Variants in BTBD7 observed in about 807,000 individuals in gnomAD.
BTBD7 encodes BTB/POZ domain-containing protein 7.
BTBD7 carries 38 observed loss-of-function variants against 99.9 expected under a neutral mutation model. The ratio of observed to expected loss-of-function variants is 0.38; its 90% CI spans 0.29 to 0.50. BTBD7 has a LOEUF of 0.50. Ranked by LOEUF, BTBD7 falls within the 20% of genes least tolerant of loss-of-function variation. BTBD7 has a pLI of 0.93. For synonymous variants in BTBD7, 520 were observed against 511.4 expected, an observed-to-expected ratio of 1.02 and a Z score of -0.23; for missense variants, 1,170 against 1,394.6, an observed-to-expected ratio of 0.84 and a Z score of 2.57.
chr14:93,266,991 C>T (rs1033371379), intron 3 of BTBD7, among the ~76,000 whole-genome samples: 1 of 152,116 alleles, frequency 6.6e-6, no homozygotes, highest in South Asian at 2.1e-4. Flanking sequence ...CATTCAGTAG[C>T]CAGTGGAGGA....
intron 1 of BTBD7, among the ~76,000 whole-genome samples, chr14:93,306,947 T>C (rs1046710697): frequency 6.6e-6 from 1 of 152,214 alleles, no homozygotes; most frequent in Non-Finnish European, 1.5e-5. Flanking sequence ...TGATAAAATA[T>C]ATCCTTTGGG....
At chr14:93,283,047 G>A (rs959364436) in intron 3 of BTBD7, among the ~76,000 whole-genome samples, 10 of 152,134 alleles carry the variant, frequency 6.6e-5, no homozygotes, top group Non-Finnish European at 1.2e-4. Flanking sequence ...TGCTGAGAAA[G>A]CTTCTAACTA....
intron 1 of BTBD7, among the ~76,000 whole-genome samples, chr14:93,303,763 C>T (rs1350279561): frequency 6.6e-6 from 1 of 152,204 alleles, no homozygotes; most frequent in Non-Finnish European, 1.5e-5. Flanking sequence ...TCATCCTGAC[C>T]TACAACCTCA....
chr14:93,312,769 G>A (rs2053152935), intron 1 of BTBD7, among the ~76,000 whole-genome samples: 1 of 152,118 alleles, frequency 6.6e-6, no homozygotes, highest in African/African-American at 2.4e-5. Context: ...TGGTTCTTCT[G>A]CCCAGCCCAC....
Position 93,243,022 on chromosome 14 carries a change from T to C in BTBD7, c.2650A>G (p.Lys884Glu), listed in dbSNP as rs376333102. Residue 884 changes from lysine (K) to glutamate (E), a missense_variant, in exon 11 of 11, where the codon AAG becomes GAG. Transcript: ENST00000334746. ...GCAAGCTCTGGAAGCCTCCTGTCCT[T>C]GAGTGACAGTGTGGACACACCCACC... ...IAVGVSTLSL[K>E]DRRLPELAVD... 5 of 1,613,992 alleles carry C rather than the reference T, an allele frequency of 3.1e-6. No individual in the cohort carries two copies. The African/African-American group carries it at 6.7e-5, about 22-fold the overall frequency.
At chr14:93,305,770 T>TA (rs1417301734) in intron 1 of BTBD7, among the ~76,000 whole-genome samples, 6 of 152,134 alleles carry the variant, frequency 3.9e-5, no homozygotes, top group Non-Finnish European at 5.9e-5. Context: ...GACTGGGTAA[T>TA]ATATAAAAAA....
intron 1 of BTBD7, among the ~76,000 whole-genome samples, chr14:93,299,261 T>C (rs904407465): frequency 6.6e-6 from 1 of 152,230 alleles, no homozygotes; most frequent in Non-Finnish European, 1.5e-5. Context: ...CAGGGATTAA[T>C]GTCATTACTT....
rs115952948 is a variant in BTBD7 at position 93,267,241 on chromosome 14, C to T, written c.1163-3248G>A. Among the ~76,000 whole-genome samples, 624 of 152,204 alleles carry T rather than the reference C, an allele frequency of 4.1e-3. 6 individuals are homozygous for T. The highest frequency in any genetic ancestry group is 0.014 in the African/African-American group (595 of 41,512). On this transcript the variant is annotated intron_variant, in intron 3 of 10. Transcript: ENST00000334746. ...ATTTAAACTGCTGAGGTTTACAAAG[C>T]AGCAGGATACAGTAGGAAAAAAAAT...
chr14:93,320,399 C>T (rs2053256675), intron 1 of BTBD7, among the ~76,000 whole-genome samples: 1 of 152,190 alleles, frequency 6.6e-6, no homozygotes, highest in Non-Finnish European at 1.5e-5. Flanking sequence ...TTTCACAAGG[C>T]ACAGGACAGT....
At position 93,240,286 on chromosome 14, in the gene BTBD7, A is replaced by T. The variant is rs1384291723; in HGVS notation, c.*1987T>A. ...GGCGGCAGTTTGCCGGGGCGTGCAG[A>T]CACACGACATGTTTCCCATCTTGGA... On this transcript the variant is annotated 3_prime_UTR_variant, in exon 11 of 11. Transcript: ENST00000334746. 1.3e-5 allele frequency: 2 copies of T among 152,690 alleles called. No individual in the cohort carries two copies. Among genetic ancestry groups the T allele is most frequent in the African/African-American group, 4.8e-5 (2 of 41,458 alleles). The allele number at this position is 152,690 out of a possible 1,614,324, so 9.5% of individuals were successfully genotyped here.
chr14:93,309,955 A>G (rs2053119194), intron 1 of BTBD7, among the ~76,000 whole-genome samples: 2 of 142,692 alleles, frequency 1.4e-5, no homozygotes, highest in East Asian at 2.0e-4. Flanking sequence ...ACATTTACCA[A>G]TTGGCAGGTG....
At chr14:93,323,341 T>C (rs1054724098) in intron 1 of BTBD7, among the ~76,000 whole-genome samples, 2 of 152,354 alleles carry the variant, frequency 1.3e-5, no homozygotes, top group Middle Eastern at 6.8e-3. Flanking sequence ...TAGTAAATTG[T>C]AACTCTTCTT....
At chr14:93,244,318 T>A (rs2052275252) in intron 10 of BTBD7, 1 of 228,442 alleles carries the variant, frequency 4.4e-6, no homozygotes, top group Admixed American at 5.1e-5. Flanking sequence ...ATTGATCCAG[T>A]TGTAAGCATC....
At chr14:93,326,504 C>A (rs1029091067) in intron 1 of BTBD7, among the ~76,000 whole-genome samples, 11 of 151,798 alleles carry the variant, frequency 7.2e-5, no homozygotes, top group African/African-American at 2.7e-4. Flanking sequence ...CTAGCATTCA[C>A]CCAAAAAGAA....
At chr14:93,332,569 C>T (rs11627822) in intron 1 of BTBD7, among the ~76,000 whole-genome samples, 11,788 of 151,462 alleles carry the variant, frequency 0.078, 969 homozygotes, top group African/African-American at 0.21. Flanking sequence ...CGCCCCTGCC[C>T]CAGGGACGGC....
rs563377931 is a variant in BTBD7 at position 93,278,274 on chromosome 14, C to T, written c.1163-14281G>A. On this transcript the variant is annotated intron_variant, in intron 3 of 10. Coordinates refer to ENST00000334746, the MANE Select transcript of BTBD7 (RefSeq NM_001002860.4). Reference sequence around the variant, plus strand: ...TTAAAAACACAAAAAATTAGCCAGGCGTGGTGGCAGACGCCTCTAATTCCA... The same window carrying T: ...TTAAAAACACAAAAAATTAGCCAGGTGTGGTGGCAGACGCCTCTAATTCCA... Among the ~76,000 whole-genome samples, 8 of 152,160 alleles carry T rather than the reference C, an allele frequency of 5.3e-5. No homozygotes were observed. In the East Asian group the frequency reaches 1.2e-3, roughly 22 times the overall value.
chr14:93,323,325 T>C (rs1474643863), intron 1 of BTBD7, among the ~76,000 whole-genome samples: 1 of 152,196 alleles, frequency 6.6e-6, no homozygotes, highest in Non-Finnish European at 1.5e-5. Context: ...ATGAAATATA[T>C]ACAGTTAGTA....
In BTBD7 at chr14:93,246,253, C is replaced by G. The variant is rs915316463; in HGVS notation, c.2155G>C (p.Gly719Arg). The G allele has an allele frequency of 1.3e-6, 2 of 1,498,756 alleles. No individual in the cohort carries two copies. The highest frequency in any genetic ancestry group is 4.5e-5 in the Admixed American group (2 of 44,450). 92.8% of individuals were successfully genotyped at this position (1,498,756 alleles called of 1,614,324 possible). A position where few individuals can be genotyped will look rare whatever the true frequency, so the allele number is the denominator to read the frequency against. Residue 719 changes from glycine to arginine, a missense_variant, in exon 10 of 11, where the codon GGG (glycine) becomes CGG (arginine). Physicochemically the swap from Gly to Arg is moderately radical, Grantham distance 125 (BLOSUM62 -2). Around this residue, in one of 4 missense-constraint regions of BTBD7, gnomAD observed 495 missense variants for 525.9 expected, o/e 0.94. Coordinates refer to ENST00000334746, the MANE Select transcript of BTBD7 (RefSeq NM_001002860.4). ...ATTGTCAAGAGTGGACTTTCATCCC[C>G]AAAACGTTCATCAGGAAAGAATTTG... ...PHKFFPDERF[G>R]DESPLLTMRQ...
intron 1 of BTBD7, among the ~76,000 whole-genome samples, chr14:93,316,069 A>C (rs1429890788): frequency 6.6e-6 from 1 of 150,612 alleles, no homozygotes; most frequent in Non-Finnish European, 1.5e-5. Flanking sequence ...CTCCTGCCTC[A>C]GCCTCCCGAG....
Sources: allele counts gnomAD v4.1 joint callset (sites outside exome capture counted in the v4.1 genomes callset), GRCh38; gene constraint gnomAD v4.1.1; regional missense constraint gnomAD v4.1.1; transcripts MANE v1.5; gene names NCBI Gene and HGNC (gene_info 2026-07-23, HGNC 2026-07-21).